The following MYOC variants were observed in gnomAD, a reference collection of about 807,000 sequenced individuals.
MYOC encodes myocilin.
In MYOC, 29 loss-of-function variants were observed where a neutral mutation model predicts 28.2. The ratio of observed to expected loss-of-function variants is 1.03; its 90% CI spans 0.77 to 1.40. The LOEUF (loss-of-function observed/expected upper bound fraction) is 1.40. MYOC is among the 40% of genes most tolerant of loss of function. The pLI is 0.00. For synonymous variants in MYOC, 240 were observed against 245.6 expected (o/e 0.98, Z 0.21); for missense variants, 569 against 620.6 (o/e 0.92, Z 0.88).
intron 1 of MYOC, among the ~76,000 whole-genome samples, chr1:171,643,653 C>A (rs997824188): frequency 1.1e-4 from 17 of 152,144 alleles, no homozygotes; most frequent in Non-Finnish European, 1.9e-4. Context: ...ACTCAAATTT[C>A]TTTTCTTTCA....
intron 1 of MYOC, among the ~76,000 whole-genome samples, chr1:171,649,543 C>A (rs543153980): frequency 6.6e-6 from 1 of 152,310 alleles, no homozygotes; most frequent in East Asian, 1.9e-4. Flanking sequence ...CACCTGTAAT[C>A]CCAGTGCTTT....
At chr1:171,642,548 A>G (rs1484460431) in intron 1 of MYOC, among the ~76,000 whole-genome samples, 1 of 151,676 alleles carries the variant, frequency 6.6e-6, no homozygotes, top group Non-Finnish European at 1.5e-5. Flanking sequence ...CAAGAGGGCA[A>G]GGCTGCAGTG....
intron 2 of MYOC, among the ~76,000 whole-genome samples, chr1:171,637,043 T>TA (rs1652939797): frequency 6.6e-6 from 1 of 152,256 alleles, no homozygotes; most frequent in African/African-American, 2.4e-5. Context: ...CTGTGTTTCA[T>TA]GTTATTGACA....
At chr1:171,640,462 A>C (rs1167000157) in intron 1 of MYOC, among the ~76,000 whole-genome samples, 1 of 150,954 alleles carries the variant, frequency 6.6e-6, no homozygotes, top group Non-Finnish European at 1.5e-5. Context: ...GGCCAGGCCC[A>C]GTGGCTCATA....
intron 2 of MYOC, among the ~76,000 whole-genome samples, chr1:171,638,298 C>A (rs1489822452): frequency 6.6e-6 from 1 of 152,158 alleles, no homozygotes; most frequent in Middle Eastern, 3.2e-3. Flanking sequence ...ACATGACAAT[C>A]AAGTGGATGA....
At chr1:171,649,106 T>C (rs11586716) in intron 1 of MYOC, among the ~76,000 whole-genome samples, 35,813 of 152,016 alleles carry the variant, frequency 0.24, 4,384 homozygotes, top group South Asian at 0.39. Context: ...TTTGTAGTAA[T>C]AGTTATGTAG....
intron 1 of MYOC, among the ~76,000 whole-genome samples, chr1:171,651,343 ACC>A (rs147492940): frequency 9.7e-5 from 6 of 61,958 alleles, no homozygotes; most frequent in Non-Finnish European, 1.1e-4. Context: ...TCACCCCCGC[ACC>A]CCCCCCACAC....
rs1474072208 is a variant in MYOC, at chr1:171,638,647, AT to A, written c.679del (p.Ile227PhefsTer2). On this transcript the variant is annotated frameshift_variant, in exon 2 of 3. Transcript: ENST00000037502. LOFTEE classifies it high-confidence loss of function. ...SELTEVPASR[I>X]LKESPSGYLR... ...ATAGCCAGATGGGCTCTCCTTCAAA[AT>A]TCGGGAAGCAGGAACTTCAGTTAGC... 6.2e-7 allele frequency: 1 copy of A among 1,614,172 alleles called. No individual in the cohort carries two copies. Among genetic ancestry groups the A allele is most frequent in the East Asian group, 2.2e-5 (1 of 44,886 alleles).
Position 171,635,934 on chromosome 1 carries a change from G to A in MYOC, c.1506C>T (p.Ser502=). The change falls in exon 3 of 3, where the codon TCC becomes TCT. Residue 502 remains serine, a synonymous_variant. Transcript: ENST00000037502. ...ACAGCTTGGAGGCTTTTCACATCTT[G>A]GAGAGCTTGATGTCATAAGTGACCA... The part of the protein sequence containing the change: ...LNMVTYDIKL[S]KM 1 of 1,614,044 alleles carries A rather than the reference G, an allele frequency of 6.2e-7. No homozygotes were observed.
intron 1 of MYOC, among the ~76,000 whole-genome samples, chr1:171,645,510 C>G (rs750474524): frequency 6.6e-6 from 1 of 152,190 alleles, no homozygotes; most frequent in Non-Finnish European, 1.5e-5. Context: ...TGTCCGGCAC[C>G]CTCCCTCAGC....
At chr1:171,641,578 C>G (rs1015865162) in intron 1 of MYOC, among the ~76,000 whole-genome samples, 2 of 152,140 alleles carry the variant, frequency 1.3e-5, no homozygotes, top group Non-Finnish European at 2.9e-5. Flanking sequence ...AAGCTGTCCT[C>G]CCAGGTGAGT....
chr1:171,649,324 G>C lies in MYOC; in HGVS notation c.604+2684C>G, dbSNP rs947891500. ...TTCTCTACCCAAACCTTCACACCTA[G>C]TTCTTGCCACTCCTGCAAAAAAGCA... On this transcript the variant is annotated intron_variant, in intron 1 of 2. Coordinates refer to ENST00000037502, the MANE Select transcript of MYOC (RefSeq NM_000261.2). Among the ~76,000 whole-genome samples, 14 of 152,260 alleles carry C rather than the reference G, an allele frequency of 9.2e-5. No homozygotes were observed. In the East Asian group the frequency reaches 2.7e-3, roughly 29 times the overall value.
rs907466277 is a variant in MYOC at position 171,636,549 on chromosome 1, C to T, written c.891G>A (p.Gln297=). The T allele has an allele frequency of 6.8e-6, 11 of 1,608,902 alleles. No individual in the cohort carries two copies. Among genetic ancestry groups the T allele is most frequent in the Non-Finnish European group, 8.5e-6 (10 of 1,176,666 alleles). ...RIDTVGTDVR[Q]VFEYDLISQF... ...GGCTGATGAGGTCATACTCAAAAAC[C>T]TGGCGGACATCCGTGCCAACTGTGT... The change falls in exon 3 of 3, where the codon CAG becomes CAA. Residue 297 remains glutamine (Q), a synonymous_variant. Transcript: ENST00000037502.
At chr1:171,648,435 C>T (rs1653255862) in intron 1 of MYOC, among the ~76,000 whole-genome samples, 1 of 151,922 alleles carries the variant, frequency 6.6e-6, no homozygotes, top group Non-Finnish European at 1.5e-5. Context: ...CCTTCCCTGT[C>T]TCACTTTCCC....
At chr1:171,646,679 T>C (rs1265211547) in intron 1 of MYOC, among the ~76,000 whole-genome samples, 1 of 152,022 alleles carries the variant, frequency 6.6e-6, no homozygotes, top group African/African-American at 2.4e-5. Flanking sequence ...GTATTTTTAG[T>C]AGAGACAGGG....
At chr1:171,642,121 A>G (rs911380321) in intron 1 of MYOC, among the ~76,000 whole-genome samples, 8 of 152,246 alleles carry the variant, frequency 5.3e-5, no homozygotes, top group African/African-American at 1.9e-4. Flanking sequence ...CCAGACAGCC[A>G]TGCTGCCCAC....
At chr1:171,638,853 G>T (rs1652996961) in intron 1 of MYOC, 131 bp from the exon 2 acceptor site, 1 of 986,106 alleles carries the variant, frequency 1.0e-6, no homozygotes, top group African/African-American at 1.6e-5. Flanking sequence ...CAGCACTTTG[G>T]GAGGCCGAGG....
At chr1:171,641,503 T>G (rs1045934513) in intron 1 of MYOC, among the ~76,000 whole-genome samples, 1 of 152,094 alleles carries the variant, frequency 6.6e-6, no homozygotes, top group African/African-American at 2.4e-5. Context: ...GACAGTGGCC[T>G]TGAGTTTGAG....
In MYOC at chr1:171,652,424, T is replaced by C; in HGVS notation, c.188A>G (p.Glu63Gly). 6.2e-7 allele frequency: 1 copy of C among 1,614,188 alleles called. No individual in the cohort carries two copies. The change falls in exon 1 of 3, where the codon GAG becomes GGG. Residue 63 changes from glutamate (E) to glycine (G), a missense_variant. Transcript: ENST00000037502. The part of the protein sequence containing the change: ...VASPNESSCP[E>G]QSQAMSVIHN... ...GATGACTGACATGGCCTGGCTCTGCTCTGGGCAGCTGGATTCATTGGGACT... is the reference window on the plus strand; with the variant it reads ...GATGACTGACATGGCCTGGCTCTGCCCTGGGCAGCTGGATTCATTGGGACT...
Sources: allele counts gnomAD v4.1 joint callset (sites outside exome capture counted in the v4.1 genomes callset), GRCh38; gene constraint gnomAD v4.1.1; transcripts MANE v1.5; gene names NCBI Gene and HGNC (gene_info 2026-07-23, HGNC 2026-07-21).